The following SUPT3H variants were observed in gnomAD, a reference collection of about 807,000 sequenced individuals.
SUPT3H encodes the protein SPT3 homolog, SAGA and STAGA complex component, also known as transcription initiation protein SPT3 homolog.
SUPT3H carries 44 observed loss-of-function variants against 44.3 expected under a neutral mutation model. The observed-to-expected ratio is 0.99, with a 90% CI of 0.78 to 1.28. SUPT3H has a LOEUF of 1.28. Among genes scored for constraint, SUPT3H ranks in the 50% most tolerant of loss-of-function variants. SUPT3H has a pLI of 0.00. For missense variants in SUPT3H, 380 were observed against 387.1 expected (o/e 0.98, Z 0.15); for synonymous variants, 124 against 125.6 (o/e 0.99, Z 0.09).
At chr6:45,128,788 C>T (rs989741127) in intron 2 of SUPT3H, among the ~76,000 whole-genome samples, 6 of 150,516 alleles carry the variant, frequency 4.0e-5, no homozygotes, top group South Asian at 2.1e-4. Flanking sequence ...TGGGTTCAAA[C>T]GATTCTCCTG....
At chr6:45,105,311 T>A (rs1799119158) in intron 3 of SUPT3H, among the ~76,000 whole-genome samples, 2 of 152,158 alleles carry the variant, frequency 1.3e-5, no homozygotes, top group African/African-American at 4.8e-5. Context: ...ATTAGAAGGC[T>A]ACATGAGTGA....
At chr6:45,111,763 T>G (rs914637342) in intron 2 of SUPT3H, among the ~76,000 whole-genome samples, 1 of 152,064 alleles carries the variant, frequency 6.6e-6, no homozygotes, top group African/African-American at 2.4e-5. Flanking sequence ...GATGAGTAGG[T>G]GCCCAGCTGA....
rs1296844577 is a variant in SUPT3H at position 44,953,292 on chromosome 6, G to C, written c.801+18C>G. ...CAAAATTCACAAATGTTTTAAGACA[G>C]ATTTTTTTTGTACTTACCTCAGCAG... is the stretch of plus-strand genomic sequence containing the variant. On this transcript the variant is annotated intron_variant, in intron 9 of 10. Coordinates refer to ENST00000371459, the MANE Select transcript of SUPT3H (RefSeq NM_003599.4). The C allele has an allele frequency of 6.3e-7, 1 of 1,599,658 alleles. No individual in the cohort carries two copies.
intron 2 of SUPT3H, among the ~76,000 whole-genome samples, chr6:45,218,448 G>T (rs1765442516): frequency 6.6e-6 from 1 of 152,212 alleles, no homozygotes; most frequent in African/African-American, 2.4e-5. Context: ...AAGTACTAGT[G>T]GCCGGGTACG....
chr6:44,822,693 A>G (rs1445582030), downstream of SUPT3H, among the ~76,000 whole-genome samples: 14 of 152,222 alleles, frequency 9.2e-5, no homozygotes, highest in Admixed American at 9.2e-4. Context: ...TTTCTGAGAC[A>G]TTGTATTTGT....
intron 9 of SUPT3H, among the ~76,000 whole-genome samples, chr6:44,935,415 A>G (rs2153462790): frequency 6.6e-6 from 1 of 152,332 alleles, no homozygotes; most frequent in Middle Eastern, 3.4e-3. Context: ...ATACTTATAC[A>G]TCAATTCATC....
intron 3 of SUPT3H, among the ~76,000 whole-genome samples, chr6:45,076,604 T>C (rs577018436): frequency 7.2e-5 from 11 of 152,334 alleles, no homozygotes; most frequent in Middle Eastern, 3.4e-3. Context: ...AAAAATGCTT[T>C]TGTACTTGTA....
At chr6:45,337,359 T>C (rs1788787938) in intron 2 of SUPT3H, among the ~76,000 whole-genome samples, 1 of 151,808 alleles carries the variant, frequency 6.6e-6, no homozygotes, top group South Asian at 2.1e-4. Context: ...AATTATGGTG[T>C]ATCTCCAGCA....
intron 3 of SUPT3H, chr6:45,097,584 A>G (rs974768792): frequency 6.6e-6 from 1 of 152,274 alleles, no homozygotes; most frequent in Non-Finnish European, 1.5e-5. Flanking sequence ...TTCCACTGAC[A>G]TCTCAAAGAG....
At position 44,831,798 on chromosome 6, in the gene SUPT3H, C is replaced by T. The variant is rs149152142; in HGVS notation, c.913-1941G>A. 3.7e-3 allele frequency among the ~76,000 whole-genome samples: 569 copies of T among 152,140 alleles called. 8 individuals carry two copies. The highest frequency in any genetic ancestry group is 0.012 in the African/African-American group (517 of 41,532). On this transcript the variant is annotated intron_variant, in intron 10 of 10. Coordinates refer to ENST00000371459, the MANE Select transcript of SUPT3H (RefSeq NM_003599.4). ...ATAACCAGGTTTTAATCTTTTCAGA[C>T]GGGGCAATATAAAATAGTTCTTATT...
Position 45,210,067 on chromosome 6 carries a change from G to C in SUPT3H, c.102-104061C>G, listed in dbSNP as rs540848087. ...CAAGACAGCATTTTATAAAAATAAAGTATTTTTGTAATTAAGGTATGTATA... is the reference window on the plus strand; with the variant it reads ...CAAGACAGCATTTTATAAAAATAAACTATTTTTGTAATTAAGGTATGTATA... On this transcript the variant is annotated intron_variant, in intron 2 of 10. Transcript: ENST00000371459. Among the ~76,000 whole-genome samples, 34 of 152,176 alleles carry C rather than the reference G, an allele frequency of 2.2e-4. No individual in the cohort carries two copies. The South Asian group carries it at 3.3e-3, about 15-fold the overall frequency.
intron 2 of SUPT3H, among the ~76,000 whole-genome samples, chr6:45,129,429 A>G (rs1246207359): frequency 1.3e-5 from 2 of 152,208 alleles, no homozygotes; most frequent in Admixed American, 6.5e-5. Flanking sequence ...ACAAATTTCT[A>G]GTTATGTGGT....
chr6:45,210,525 T>C (rs1216282165), intron 2 of SUPT3H, among the ~76,000 whole-genome samples: 1 of 152,198 alleles, frequency 6.6e-6, no homozygotes, highest in Non-Finnish European at 1.5e-5. Flanking sequence ...CCCACTTCAA[T>C]AGGTTCTGCC....
intron 6 of SUPT3H, among the ~76,000 whole-genome samples, chr6:44,969,662 G>C (rs1777286106): frequency 6.6e-6 from 1 of 152,070 alleles, no homozygotes; most frequent in Admixed American, 6.6e-5. Context: ...AATATTTAAG[G>C]GACCGACTCA....
Position 45,365,735 on chromosome 6 carries a change from A to T in SUPT3H, c.1-434T>A, listed in dbSNP as rs181140914. ...GGAACAACCCTGATTTTTCTAGTTG[A>T]TATATGAAGGTTCCAAGTAAGATCT... is the stretch of plus-strand genomic sequence containing the variant. On this transcript the variant is annotated intron_variant, in intron 1 of 10. Coordinates refer to ENST00000371459, the MANE Select transcript of SUPT3H (RefSeq NM_003599.4). Among the ~76,000 whole-genome samples the T allele has an allele frequency of 3.1e-3, 466 of 150,460 alleles. 2 individuals are homozygous for T. The highest frequency in any genetic ancestry group is 5.5e-3 in the Non-Finnish European group (372 of 67,770).
chr6:44,809,854 C>G (rs1327482363), intron 11 of SUPT3H, among the ~76,000 whole-genome samples: 1 of 151,970 alleles, frequency 6.6e-6, no homozygotes, highest in African/African-American at 2.4e-5. Flanking sequence ...AATCCAAGAC[C>G]CCAAAGTTAA....
At chr6:45,277,272 C>T (rs1777176084) in intron 2 of SUPT3H, among the ~76,000 whole-genome samples, 1 of 152,042 alleles carries the variant, frequency 6.6e-6, no homozygotes, top group Non-Finnish European at 1.5e-5. Context: ...TTTTATGTTA[C>T]TGCATAAAAT....
chr6:44,968,920 T>C (rs1777160686), intron 6 of SUPT3H, among the ~76,000 whole-genome samples: 1 of 152,140 alleles, frequency 6.6e-6, no homozygotes, highest in African/African-American at 2.4e-5. Context: ...AATTTATTCT[T>C]TGTTTTTAGT....
chr6:45,246,920 A>G (rs1335708330), intron 2 of SUPT3H, among the ~76,000 whole-genome samples: 1 of 152,228 alleles, frequency 6.6e-6, no homozygotes, highest in East Asian at 1.9e-4. Flanking sequence ...CTCTTAAGAA[A>G]CTAAAAAGAT....
Sources: allele counts gnomAD v4.1 joint callset (sites outside exome capture counted in the v4.1 genomes callset), GRCh38; gene constraint gnomAD v4.1.1; transcripts MANE v1.5; gene names NCBI Gene and HGNC (gene_info 2026-07-23, HGNC 2026-07-21).